The following CACNG6 variants were observed in gnomAD, a reference collection of about 807,000 sequenced individuals.
The protein encoded by CACNG6 is calcium voltage-gated channel auxiliary subunit gamma 6.
A neutral mutation model predicts 23.9 loss-of-function variants in CACNG6; 21 were observed. That is an observed-to-expected ratio of 0.88 (90% CI 0.62 to 1.26). The LOEUF is 1.26. CACNG6 is among the 50% of genes most tolerant of loss of function. The pLI, the probability that CACNG6 is intolerant of heterozygous loss-of-function variation, is 0.00. For synonymous variants in CACNG6, 182 were observed against 168.9 expected, an observed-to-expected ratio of 1.08 and a Z score of -0.60; for missense variants, 340 against 352.9, an observed-to-expected ratio of 0.96 and a Z score of 0.29.
At position 54,012,495 on chromosome 19, in the gene CACNG6, A is replaced by C; in HGVS notation, c.*306A>C. On this transcript the variant is annotated 3_prime_UTR_variant, in exon 4 of 4. Coordinates refer to ENST00000252729, the MANE Select transcript of CACNG6 (RefSeq NM_145814.2). The stretch of plus-strand genomic sequence containing the variant: ...GGGTGTGGGGTTGGGGGATGAGGTC[A>C]GGGGGTCTTGGGTGGGAGTTGGGGG... 1 of 105,694 alleles carries C rather than the reference A, an allele frequency of 9.5e-6. No homozygotes were observed. Among genetic ancestry groups the C allele is most frequent in the Non-Finnish European group, 1.9e-5 (1 of 53,024 alleles). 6.5% of individuals were successfully genotyped at this position (105,694 alleles called of 1,614,324 possible).
intron 1 of CACNG6, among the ~76,000 whole-genome samples, chr19:53,995,289 C>T (rs928316507): frequency 1.5e-4 from 23 of 152,084 alleles, no homozygotes; most frequent in African/African-American, 5.6e-4. Flanking sequence ...TCAGAAAGGA[C>T]TTCAGTCTTC....
In CACNG6 at chr19:53,993,002, C is replaced by A; in HGVS notation, c.125C>A (p.Ala42Glu). 6.9e-7 allele frequency: 1 copy of A among 1,454,966 alleles called. No individual in the cohort carries two copies. The allele number at this position is 1,454,966 out of a possible 1,614,324, so 90.1% of individuals were successfully genotyped here. Residue 42 changes from alanine to glutamate, a missense_variant, in exon 1 of 4, where the codon GCG becomes GAG. Ala to Glu is a moderately radical substitution (Grantham distance 107). Transcript: ENST00000252729. Reference sequence around the variant, plus strand: ...GAGCGCGAGGGGAAGGTGAAGCTGGCGCTGCTGCTGGCCGCCGTGGGCGCC... The same window carrying A: ...GAGCGCGAGGGGAAGGTGAAGCTGGAGCTGCTGCTGGCCGCCGTGGGCGCC... Reference protein sequence around the residue: ...TPEREGKVKLALLLAAVGATL... With the variant: ...TPEREGKVKLELLLAAVGATL...
In CACNG6 at chr19:54,012,506, G is replaced by C. The variant is rs1270906087; in HGVS notation, c.*317G>C. The C allele has an allele frequency of 4.2e-6, 1 of 238,116 alleles. No individual in the cohort carries two copies. The highest frequency in any genetic ancestry group is 2.3e-5 in the African/African-American group (1 of 44,148). The allele number at this position is 238,116 out of a possible 1,614,324, so 14.8% of individuals were successfully genotyped here. ...TGGGGGATGAGGTCAGGGGGTCTTG[G>C]GTGGGAGTTGGGGGCCCCTTCATTT... is the stretch of plus-strand genomic sequence containing the variant. On this transcript the variant is annotated 3_prime_UTR_variant, in exon 4 of 4. Transcript: ENST00000252729.
At chr19:54,006,898 C>T (rs760646417) in intron 3 of CACNG6, among the ~76,000 whole-genome samples, 1 of 151,430 alleles carries the variant, frequency 6.6e-6, no homozygotes, top group Non-Finnish European at 1.5e-5. Context: ...GGGTCTCACT[C>T]TGTTGCCCAG....
intron 3 of CACNG6, among the ~76,000 whole-genome samples, chr19:54,007,506 CAGA>C (rs1282715824): frequency 5.3e-5 from 8 of 152,132 alleles, no homozygotes; most frequent in Non-Finnish European, 1.0e-4. Context: ...GATGAAACTC[CAGA>C]AGGACAGGGA....
At position 53,998,329 on chromosome 19, in the gene CACNG6, C is replaced by A; in HGVS notation, c.406+16C>A. 1 of 1,611,072 alleles carries A rather than the reference C, an allele frequency of 6.2e-7. No individual in the cohort carries two copies. Among genetic ancestry groups the A allele is most frequent in the South Asian group, 1.1e-5 (1 of 91,008 alleles). ...ACAAAGAAAGGTGAGAACTTTTCAC[C>A]CCCTGCTGGGTGACAGGTGGGGGAA... On this transcript the variant is annotated intron_variant, in intron 2 of 3. Coordinates refer to ENST00000252729, the MANE Select transcript of CACNG6 (RefSeq NM_145814.2).
intron 1 of CACNG6, among the ~76,000 whole-genome samples, chr19:53,994,248 C>T (rs927313851): frequency 7.9e-5 from 12 of 152,204 alleles, no homozygotes; most frequent in African/African-American, 2.2e-4. Flanking sequence ...TCTCACCAGA[C>T]GCCTCCCAAC....
At chr19:53,997,547 C>T (rs983847588) in intron 1 of CACNG6, among the ~76,000 whole-genome samples, 2 of 152,084 alleles carry the variant, frequency 1.3e-5, no homozygotes, top group African/African-American at 2.4e-5. Context: ...CCCGTTCATA[C>T]ACGGTGTTTC....
intron 3 of CACNG6, among the ~76,000 whole-genome samples, chr19:54,005,868 T>A (rs1161162976): frequency 2.0e-5 from 3 of 151,378 alleles, no homozygotes; most frequent in Admixed American, 1.3e-4. Flanking sequence ...GGCTGGCAGA[T>A]CACTTAAGGC....
intron 3 of CACNG6, among the ~76,000 whole-genome samples, chr19:54,002,953 C>T (rs1952588675): frequency 6.6e-6 from 1 of 152,028 alleles, no homozygotes; most frequent in African/African-American, 2.4e-5. Flanking sequence ...CTGCTGCCCT[C>T]GTGGATTTAT....
chr19:54,011,332 T>C (rs1293026182), intron 3 of CACNG6, among the ~76,000 whole-genome samples: 1 of 142,484 alleles, frequency 7.0e-6, no homozygotes, highest in Non-Finnish European at 1.5e-5. Flanking sequence ...CCCCAGCTAC[T>C]CGGGAGACTG....
intron 3 of CACNG6, 142 bp downstream of exon 3, chr19:53,999,913 AG>A (rs1344920662): frequency 9.5e-7 from 1 of 1,051,504 alleles, no homozygotes; most frequent in Non-Finnish European, 1.4e-6. Context: ...TGCTGGGAGT[AG>A]GGTCTCCACA....
At chr19:54,006,085 G>A (rs536248383) in intron 3 of CACNG6, among the ~76,000 whole-genome samples, 2 of 19,218 alleles carry the variant, frequency 1.0e-4, no homozygotes, top group African/African-American at 1.8e-4. Flanking sequence ...GCAAGACTCT[G>A]TTTCAAAAAT....
intron 3 of CACNG6, among the ~76,000 whole-genome samples, chr19:54,000,268 T>C (rs1466141529): frequency 6.6e-6 from 1 of 152,206 alleles, no homozygotes; most frequent in Non-Finnish European, 1.5e-5. Context: ...CAAACACTGT[T>C]TCATGCTGAG....
At chr19:54,001,817 A>G (rs1483447033) in intron 3 of CACNG6, among the ~76,000 whole-genome samples, 1 of 152,232 alleles carries the variant, frequency 6.6e-6, no homozygotes, top group Non-Finnish European at 1.5e-5. Flanking sequence ...TTAATGTGAC[A>G]TTAATGTCAC....
intron 3 of CACNG6, among the ~76,000 whole-genome samples, chr19:54,007,708 G>A (rs1227971736): frequency 6.6e-6 from 1 of 151,656 alleles, no homozygotes; most frequent in East Asian, 1.9e-4. Context: ...ACCAGCCCGG[G>A]GCAATGTAGA....
chr19:53,995,705 C>T (rs959617628), intron 1 of CACNG6, among the ~76,000 whole-genome samples: 3 of 152,194 alleles, frequency 2.0e-5, no homozygotes, highest in East Asian at 1.9e-4. Context: ...CTTGTTGCCC[C>T]GGCTGGAGTG....
chr19:54,002,275 G>GTTTTT lies in CACNG6; in HGVS notation c.544+2508_544+2512dup, dbSNP rs1174799698. 7.0e-4 allele frequency among the ~76,000 whole-genome samples: 81 copies of GTTTTT among 116,390 alleles called. 4 individuals are homozygous for GTTTTT. The highest frequency in any genetic ancestry group is 1.8e-3 in the African/African-American group (38 of 21,574). The allele number at this position is 116,390 out of a possible 152,430, so 76.4% of individuals were successfully genotyped here. On this transcript the variant is annotated intron_variant, in intron 3 of 3. Transcript: ENST00000252729. ...AGCCCGGCTAATTTTCGGTTTTTTTGTTTTTTTTGTTTTTTTTTTTTTTGT... is the reference window on the plus strand; with the variant it reads ...AGCCCGGCTAATTTTCGGTTTTTTTGTTTTTTTTTTTTTGTTTTTTTTTTTTTTGT...
intron 3 of CACNG6, among the ~76,000 whole-genome samples, chr19:54,004,735 G>T (rs980577245): frequency 2.0e-5 from 3 of 152,042 alleles, no homozygotes; most frequent in Non-Finnish European, 4.4e-5. Context: ...CCCGCAGCGT[G>T]TTTTCCCGGG....
Sources: gnomAD v4.1 joint callset for allele counts (sites outside exome capture counted in the v4.1 genomes callset) on GRCh38, gnomAD v4.1.1 for gene constraint, MANE v1.5 for transcripts, NCBI Gene and HGNC (gene_info 2026-07-23, HGNC 2026-07-21) for gene names.